Variants in LAMA2 observed in about 807,000 individuals in gnomAD.
LAMA2 encodes laminin subunit alpha-2.
A neutral mutation model predicts 364.8 loss-of-function variants in LAMA2; 269 were observed. The observed-to-expected ratio is 0.74, with a 90% CI of 0.67 to 0.82. The LOEUF is 0.82. LAMA2 is among the 40% of genes least tolerant of loss of function. The pLI, the probability that LAMA2 is intolerant of heterozygous loss-of-function variation, is 0.00. For synonymous variants in LAMA2, 1,379 were observed against 1,370.6 expected (o/e 1.01, Z -0.14); for missense variants, 3,807 against 3,873.2 (o/e 0.98, Z 0.45).
At chr6:129,398,415 G>A (rs1256004345) in intron 37 of LAMA2, among the ~76,000 whole-genome samples, 1 of 150,652 alleles carries the variant, frequency 6.6e-6, no homozygotes, top group African/African-American at 2.4e-5. Context: ...TGAGCCAAGT[G>A]TCAGCAGCAC....
At chr6:129,428,385 G>A (rs1204960733) in intron 41 of LAMA2, among the ~76,000 whole-genome samples, 1 of 152,254 alleles carries the variant, frequency 6.6e-6, no homozygotes, top group East Asian at 1.9e-4. Context: ...CGTGAGTTGT[G>A]ATCACACTAC....
chr6:129,191,470 C>G (rs887705355), intron 11 of LAMA2, among the ~76,000 whole-genome samples: 5 of 152,194 alleles, frequency 3.3e-5, no homozygotes, highest in African/African-American at 1.2e-4. Flanking sequence ...ACCCCACCCT[C>G]CAGACTGCCC....
intron 1 of LAMA2, among the ~76,000 whole-genome samples, chr6:129,025,636 A>G (rs1165722383): frequency 6.6e-6 from 1 of 152,144 alleles, no homozygotes; most frequent in Non-Finnish European, 1.5e-5. Flanking sequence ...CAAGGAAACC[A>G]TTTTCACTTC....
intron 3 of LAMA2, among the ~76,000 whole-genome samples, chr6:129,089,185 T>C (rs1774648775): frequency 6.6e-6 from 1 of 152,274 alleles, no homozygotes; most frequent in African/African-American, 2.4e-5. Flanking sequence ...CTCTGATCTG[T>C]TGAAAGAATT....
At chr6:129,500,839 A>G (rs1002417571) in intron 58 of LAMA2, among the ~76,000 whole-genome samples, 1 of 152,226 alleles carries the variant, frequency 6.6e-6, no homozygotes, top group African/African-American at 2.4e-5. Flanking sequence ...AAAATTTTTT[A>G]AATTTTAATA....
intron 32 of LAMA2, among the ~76,000 whole-genome samples, chr6:129,361,369 A>G (rs1237632854): frequency 6.6e-6 from 1 of 152,246 alleles, no homozygotes; most frequent in African/African-American, 2.4e-5. Context: ...GCAAAACTTG[A>G]AAAAGTGTGT....
At chr6:129,313,121 A>G (rs750050777) in intron 23 of LAMA2, 24 bp downstream of exon 23, 2 of 1,416,834 alleles carry the variant, frequency 1.4e-6, no homozygotes, top group African/African-American at 1.4e-5. Context: ...ACATGCAGCT[A>G]GGGAAAACCT....
chr6:128,957,806 G>A lies in LAMA2; in HGVS notation c.112+74449G>A, dbSNP rs1307152518. ...CATCATCCTTTAAGTATAGTTTGGA[G>A]TATTCTTCCCAGGCTGTACTACTTC... On this transcript the variant is annotated intron_variant, in intron 1 of 64. Coordinates refer to ENST00000421865, the MANE Select transcript of LAMA2 (RefSeq NM_000426.4). Among the ~76,000 whole-genome samples, 6 of 124,318 alleles carry A rather than the reference G, an allele frequency of 4.8e-5. No homozygotes were observed. The Admixed American group carries it at 4.9e-4, about 10-fold the overall frequency. 81.6% of individuals were successfully genotyped at this position (124,318 alleles called of 152,430 possible).
chr6:129,018,470 A>G lies in LAMA2; in HGVS notation c.113-31448A>G, dbSNP rs572919838. 9.9e-5 allele frequency among the ~76,000 whole-genome samples: 15 copies of G among 152,006 alleles called. No homozygotes were observed. In the South Asian group the frequency reaches 2.5e-3, roughly 25 times the overall value. On this transcript the variant is annotated intron_variant, in intron 1 of 64. Transcript: ENST00000421865. ...GATTGATGAGACTTATTAATATGAA[A>G]TGAGGTTTCTTCAATAAATATGTAA...
chr6:129,123,741 A>G (rs576345730), intron 4 of LAMA2, among the ~76,000 whole-genome samples: 1 of 152,296 alleles, frequency 6.6e-6, no homozygotes, highest in East Asian at 1.9e-4. Context: ...TGGAGGGGGA[A>G]ACAGGAAAGT....
At chr6:129,165,282 A>G (rs1192487718) in intron 8 of LAMA2, among the ~76,000 whole-genome samples, 1 of 151,868 alleles carries the variant, frequency 6.6e-6, no homozygotes, top group Non-Finnish European at 1.5e-5. Flanking sequence ...AGCTTTGTTG[A>G]TATACTATGT....
At chr6:129,166,014 G>T (rs1457552607) in intron 9 of LAMA2, among the ~76,000 whole-genome samples, 1 of 152,136 alleles carries the variant, frequency 6.6e-6, no homozygotes, top group Non-Finnish European at 1.5e-5. Flanking sequence ...TAGATTGTTT[G>T]TAGCTTCTAT....
chr6:129,101,575 C>T (rs527934931), intron 4 of LAMA2, among the ~76,000 whole-genome samples: 1 of 152,256 alleles, frequency 6.6e-6, no homozygotes, highest in Admixed American at 6.5e-5. Flanking sequence ...CTACAATAGC[C>T]ACTAGCCATA....
chr6:129,307,350 C>T (rs1033848834), intron 22 of LAMA2, among the ~76,000 whole-genome samples: 1 of 152,212 alleles, frequency 6.6e-6, no homozygotes, highest in African/African-American at 2.4e-5. Flanking sequence ...CATGCATGCA[C>T]CTATCAGCAT....
At chr6:129,396,834 G>A (rs559346022) in intron 37 of LAMA2, among the ~76,000 whole-genome samples, 16 of 151,816 alleles carry the variant, frequency 1.1e-4, no homozygotes, top group East Asian at 1.9e-4. Context: ...AAAATTAGTC[G>A]GGCATGGTGG....
At chr6:129,346,739 A>G (rs941018379) in intron 30 of LAMA2, among the ~76,000 whole-genome samples, 1 of 152,172 alleles carries the variant, frequency 6.6e-6, no homozygotes, top group African/African-American at 2.4e-5. Context: ...TGGAGCTTGT[A>G]TTTTTTATAA....
chr6:129,433,159 T>C (rs2114751459), intron 41 of LAMA2, among the ~76,000 whole-genome samples: 1 of 152,254 alleles, frequency 6.6e-6, no homozygotes, highest in South Asian at 2.1e-4. Flanking sequence ...GAAAGAAGGC[T>C]AGAAATATAA....
chr6:129,440,578 A>G (rs2114764900), intron 42 of LAMA2, among the ~76,000 whole-genome samples: 1 of 152,288 alleles, frequency 6.6e-6, no homozygotes, highest in African/African-American at 2.4e-5. Flanking sequence ...AACATTTAGA[A>G]TAGTCACGTC....
intron 12 of LAMA2, among the ~76,000 whole-genome samples, chr6:129,215,302 T>G (rs868564312): frequency 6.6e-6 from 1 of 152,172 alleles, no homozygotes; most frequent in African/African-American, 2.4e-5. Context: ...CTCAAGAGAT[T>G]ATTCAAAATC....
Sources: allele counts gnomAD v4.1 joint callset (sites outside exome capture counted in the v4.1 genomes callset), GRCh38; gene constraint gnomAD v4.1.1; transcripts MANE v1.5; gene names NCBI Gene and HGNC (gene_info 2026-07-23, HGNC 2026-07-21).